PCDH15: variants seen among roughly 807,000 people sequenced by gnomAD.
The protein encoded by PCDH15 is protocadherin related 15, also known as protocadherin-15.
A neutral mutation model predicts 178.5 loss-of-function variants in PCDH15; 129 were observed. The ratio of observed to expected loss-of-function variants is 0.72; its 90% CI spans 0.63 to 0.84. The LOEUF (loss-of-function observed/expected upper bound fraction) is 0.84. Among genes scored for constraint, PCDH15 ranks in the 40% least tolerant of loss-of-function variants. The pLI is 0.00. For missense variants in PCDH15, 2,230 were observed against 2,099.9 expected (o/e 1.06, Z -1.21); for synonymous variants, 800 against 732.0 (o/e 1.09, Z -1.50).
intron 3 of PCDH15, chr10:54,452,551 A>G (rs2136309326): frequency 6.6e-6 from 1 of 152,220 alleles, no homozygotes; most frequent in South Asian, 2.1e-4. Flanking sequence ...TACTCCTAAG[A>G]ACACAAGATA....
intron 1 of PCDH15, among the ~76,000 whole-genome samples, chr10:55,262,114 A>G (rs1481484559): frequency 1.3e-5 from 1 of 77,036 alleles, no homozygotes; most frequent in Non-Finnish European, 2.8e-5. Context: ...GAAGAGAAAT[A>G]AAAAAGAAAA....
intron 2 of PCDH15, among the ~76,000 whole-genome samples, chr10:55,367,783 C>T (rs1189687823): frequency 6.6e-6 from 1 of 152,210 alleles, no homozygotes; most frequent in African/African-American, 2.4e-5. Flanking sequence ...GAAAAGTGGA[C>T]AGTTTCTGAT....
At chr10:54,744,870 G>C (rs1404224031) in intron 1 of PCDH15, among the ~76,000 whole-genome samples, 3 of 152,036 alleles carry the variant, frequency 2.0e-5, no homozygotes, top group Non-Finnish European at 4.4e-5. Context: ...TTCAGTAAGG[G>C]AGCAGGAAAT....
chr10:55,571,085 G>T (rs1842400096), intron 2 of PCDH15, among the ~76,000 whole-genome samples: 1 of 152,196 alleles, frequency 6.6e-6, no homozygotes, highest in South Asian at 2.1e-4. Context: ...TTTGGATCAT[G>T]GCAGGTGGCT....
chr10:54,189,151 T>C (rs549321853), intron 11 of PCDH15, among the ~76,000 whole-genome samples: 26 of 152,188 alleles, frequency 1.7e-4, no homozygotes, highest in African/African-American at 6.0e-4. Context: ...CAATAGATTA[T>C]GTAAATATTT....
At chr10:54,260,712 C>A (rs1373511017) in intron 8 of PCDH15, among the ~76,000 whole-genome samples, 1 of 152,068 alleles carries the variant, frequency 6.6e-6, no homozygotes, top group African/African-American at 2.4e-5. Context: ...TCCCAAGTAG[C>A]TGGAACTACT....
At chr10:55,509,725 G>A (rs938946119) in intron 2 of PCDH15, among the ~76,000 whole-genome samples, 1 of 151,750 alleles carries the variant, frequency 6.6e-6, no homozygotes, top group Non-Finnish European at 1.5e-5. Flanking sequence ...GTTTGATAAG[G>A]ACTTTGGCAG....
chr10:55,533,650 G>T (rs1476930554), intron 2 of PCDH15, among the ~76,000 whole-genome samples: 1 of 151,864 alleles, frequency 6.6e-6, no homozygotes, highest in Non-Finnish European at 1.5e-5. Flanking sequence ...TGATCATACT[G>T]TCCAAAGCAG....
At chr10:54,916,684 C>A (rs183443012) in intron 2 of PCDH15, among the ~76,000 whole-genome samples, 14 of 152,212 alleles carry the variant, frequency 9.2e-5, no homozygotes, top group African/African-American at 2.4e-4. Flanking sequence ...TCCGATATCA[C>A]CTTTTATATC....
intron 1 of PCDH15, among the ~76,000 whole-genome samples, chr10:55,250,333 G>C (rs1329335154): frequency 1.3e-5 from 2 of 151,634 alleles, no homozygotes; most frequent in African/African-American, 4.8e-5. Flanking sequence ...TTTTTGTGGA[G>C]ATAGGGTCTC....
chr10:54,160,031 C>T (rs2045553175), intron 13 of PCDH15, among the ~76,000 whole-genome samples: 1 of 152,020 alleles, frequency 6.6e-6, no homozygotes, highest in Admixed American at 6.6e-5. Flanking sequence ...ATATGAATTG[C>T]CAGAATCACT....
chr10:53,995,642 T>C lies in PCDH15; in HGVS notation c.2868+7A>G. On this transcript the variant is annotated splice_region_variant and intron_variant, in intron 21 of 37. Transcript: ENST00000644397. ...GTTCAGAATATTAATCAATGCCTTC[T>C]ACTTACAGGAGGGTCTGCATCTTCA... 6.2e-7 allele frequency: 1 copy of C among 1,613,912 alleles called. No individual in the cohort carries two copies. The highest frequency in any genetic ancestry group is 1.1e-5 in the South Asian group (1 of 91,082).
At chr10:53,872,725 C>G (rs2079957399) in intron 26 of PCDH15, among the ~76,000 whole-genome samples, 1 of 152,160 alleles carries the variant, frequency 6.6e-6, no homozygotes, top group East Asian at 1.9e-4. Context: ...AATAAGTTCT[C>G]TTTCTCACTC....
At chr10:54,589,814 T>A (rs527319659) in intron 2 of PCDH15, among the ~76,000 whole-genome samples, 3 of 152,238 alleles carry the variant, frequency 2.0e-5, no homozygotes, top group Admixed American at 2.0e-4. Flanking sequence ...ACCAGGGTGA[T>A]CTCGATCTCC....
intron 8 of PCDH15, among the ~76,000 whole-genome samples, chr10:54,310,842 C>A (rs2060855832): frequency 6.6e-6 from 1 of 151,624 alleles, no homozygotes; most frequent in Non-Finnish European, 1.5e-5. Flanking sequence ...TAAAAGTGAT[C>A]AAAGATTTAA....
At chr10:55,240,472 T>C (rs1488527481) in intron 1 of PCDH15, among the ~76,000 whole-genome samples, 2 of 152,300 alleles carry the variant, frequency 1.3e-5, no homozygotes, top group Non-Finnish European at 2.9e-5. Flanking sequence ...GAATTGTGTT[T>C]AGTCTTGCAA....
chr10:54,133,552 C>T (rs914607586), intron 14 of PCDH15, among the ~76,000 whole-genome samples: 5 of 152,044 alleles, frequency 3.3e-5, no homozygotes, highest in East Asian at 3.9e-4. Flanking sequence ...AAACTAAATA[C>T]GTTTTAAAAT....
rs541278776 is a variant in PCDH15 at position 54,066,793 on chromosome 10, C to A, written c.2184G>T (p.Val728=). 1 of 1,613,388 alleles carries A rather than the reference C, an allele frequency of 6.2e-7. No individual in the cohort carries two copies. Among genetic ancestry groups the A allele is most frequent in the Admixed American group, 1.7e-5 (1 of 60,002 alleles). The change falls in exon 18 of 38, where the codon GTG becomes GTT. Residue 728 remains valine (V), a synonymous_variant. Coordinates refer to ENST00000644397, the MANE Select transcript of PCDH15 (RefSeq NM_001384140.1). ...DPYLPRNLSV[V]EEEANAFVGQ... ...CCACAAAGGCATTGGCTTCTTCTTCCACCACAGATAAATTTCTTGGCAGAT... is the reference window on the plus strand; with the variant it reads ...CCACAAAGGCATTGGCTTCTTCTTCAACCACAGATAAATTTCTTGGCAGAT...
upstream of PCDH15, among the ~76,000 whole-genome samples, chr10:54,805,761 A>C (rs1383649741): frequency 1.3e-5 from 2 of 152,188 alleles, no homozygotes; most frequent in Admixed American, 1.3e-4. Flanking sequence ...CAGTAGCTTA[A>C]GGGCAATGCT....
Sources: gnomAD v4.1 joint callset for allele counts (sites outside exome capture counted in the v4.1 genomes callset) on GRCh38, gnomAD v4.1.1 for gene constraint, MANE v1.5 for transcripts, NCBI Gene and HGNC (gene_info 2026-07-23, HGNC 2026-07-21) for gene names.